MECOM: variants seen among roughly 807,000 people sequenced by gnomAD.
The protein encoded by MECOM is histone-lysine N-methyltransferase MECOM.
A neutral mutation model predicts 116.3 loss-of-function variants in MECOM; 13 were observed. The observed-to-expected ratio is 0.11, with a 90% CI of 0.07 to 0.18. The LOEUF (loss-of-function observed/expected upper bound fraction) is 0.18, where lower values mean the gene tolerates loss of function less well. Among genes scored for constraint, MECOM ranks in the 10% least tolerant of loss-of-function variants. The pLI is 1.00. For synonymous variants in MECOM, 528 were observed against 535.2 expected (o/e 0.99, Z 0.19); for missense variants, 1,299 against 1,509.0 (o/e 0.86, Z 2.31).
chr3:169,312,824 C>T (rs1292506509), intron 2 of MECOM, among the ~76,000 whole-genome samples: 1 of 152,096 alleles, frequency 6.6e-6, no homozygotes, highest in Non-Finnish European at 1.5e-5. Context: ...GGGATGTCAG[C>T]TGGTAGTTGG....
intron 2 of MECOM, among the ~76,000 whole-genome samples, chr3:169,294,235 C>G (rs1387863059): frequency 6.6e-6 from 1 of 152,014 alleles, no homozygotes; most frequent in Non-Finnish European, 1.5e-5. Flanking sequence ...TATCACTATA[C>G]TTGCCTTATC....
chr3:169,394,396 G>T (rs568703781), intron 1 of MECOM, among the ~76,000 whole-genome samples: 30 of 152,246 alleles, frequency 2.0e-4, no homozygotes, highest in African/African-American at 7.2e-4. Context: ...CACAGAAAAT[G>T]ACCTCAATGA....
intron 8 of MECOM, among the ~76,000 whole-genome samples, chr3:169,114,713 A>G (rs1283440070): frequency 6.6e-6 from 1 of 152,182 alleles, no homozygotes; most frequent in Non-Finnish European, 1.5e-5. Context: ...CACTTTGGTC[A>G]GGTGAATATT....
chr3:169,198,999 C>A (rs1748806030), intron 2 of MECOM, among the ~76,000 whole-genome samples: 1 of 151,982 alleles, frequency 6.6e-6, no homozygotes, highest in Non-Finnish European at 1.5e-5. Context: ...TAACAGTCCA[C>A]ATGGAGTTAT....
intron 2 of MECOM, among the ~76,000 whole-genome samples, chr3:169,274,732 T>G (rs1759380022): frequency 6.6e-6 from 1 of 152,184 alleles, no homozygotes; most frequent in South Asian, 2.1e-4. Context: ...AAAATACAGT[T>G]AAAAATTAAG....
Position 169,563,258 on chromosome 3 carries a change from G to A in MECOM, c.37+100078C>T, listed in dbSNP as rs776374860. 3.9e-5 allele frequency among the ~76,000 whole-genome samples: 6 copies of A among 152,256 alleles called. No individual in the cohort carries two copies. The East Asian group carries it at 9.7e-4, about 25-fold the overall frequency. ...CACCAGCAGACTGCTCTGCCCTGGA[G>A]AACAGGCATGGGGGTGAGCAGGTTC... is the stretch of plus-strand genomic sequence containing the variant. On this transcript the variant is annotated intron_variant, in intron 1 of 16. Transcript: ENST00000651503.
chr3:169,235,817 C>T (rs1398375860), intron 2 of MECOM, among the ~76,000 whole-genome samples: 1 of 148,134 alleles, frequency 6.8e-6, no homozygotes, highest in African/African-American at 2.5e-5. Flanking sequence ...CCCCAAATGA[C>T]AAATAATTAC....
At chr3:169,634,902 T>G (rs757015761) in intron 1 of MECOM, among the ~76,000 whole-genome samples, 2 of 152,018 alleles carry the variant, frequency 1.3e-5, no homozygotes, top group Non-Finnish European at 2.9e-5. Flanking sequence ...CTTAATCACT[T>G]TTTTAAATCA....
intron 1 of MECOM, among the ~76,000 whole-genome samples, chr3:169,636,474 A>G (rs1030505489): frequency 1.3e-5 from 2 of 152,210 alleles, no homozygotes; most frequent in Non-Finnish European, 2.9e-5. Flanking sequence ...TTCACAATTC[A>G]GTGACAAGAA....
At chr3:169,260,193 G>C (rs1757375249) in intron 2 of MECOM, among the ~76,000 whole-genome samples, 2 of 152,048 alleles carry the variant, frequency 1.3e-5, no homozygotes, top group African/African-American at 4.8e-5. Flanking sequence ...TCCACTAAAA[G>C]CTTTAGTTAT....
intron 1 of MECOM, among the ~76,000 whole-genome samples, chr3:169,479,297 G>A (rs1750937315): frequency 6.6e-6 from 1 of 150,786 alleles, no homozygotes; most frequent in African/African-American, 2.4e-5. Flanking sequence ...GTGTGTGCAA[G>A]AGACAGAGAT....
rs74550783 is a variant in MECOM at position 169,487,417 on chromosome 3, A to G, written c.38-105893T>C. Among the ~76,000 whole-genome samples, 2,189 of 152,234 alleles carry G rather than the reference A, an allele frequency of 0.014. 163 individuals carry two copies. The East Asian group carries it at 0.24, about 17-fold the overall frequency. ...GGGACAATCTGAATTAATGTGATCT[A>G]CAGTGTTTCCATATTTCAGAAAGAG... On this transcript the variant is annotated intron_variant, in intron 1 of 16. Transcript: ENST00000651503.
At chr3:169,146,667 A>G (rs1427585148) in intron 2 of MECOM, 3 of 1,335,396 alleles carry the variant, frequency 2.2e-6, no homozygotes, top group East Asian at 8.8e-5. Flanking sequence ...GTCCGAAGTG[A>G]CAAACTTTCA....
chr3:169,575,544 T>C (rs1473024985), intron 1 of MECOM, among the ~76,000 whole-genome samples: 1 of 152,174 alleles, frequency 6.6e-6, no homozygotes, highest in Admixed American at 6.5e-5. Context: ...AAATGACACA[T>C]GTAAACAGAT....
chr3:169,604,221 ATCTCTC>A (rs148922198), intron 1 of MECOM, among the ~76,000 whole-genome samples: 3 of 146,630 alleles, frequency 2.0e-5, no homozygotes, highest in Admixed American at 6.8e-5. Flanking sequence ...AGAGAGAGAA[ATCTCTC>A]TCTCTCTCTC....
chr3:169,383,029 T>C (rs369573069), intron 1 of MECOM, among the ~76,000 whole-genome samples: 15 of 152,068 alleles, frequency 9.9e-5, no homozygotes, highest in Non-Finnish European at 1.5e-4. Context: ...AACCCCGCAG[T>C]TCTATCAATT....
In MECOM at chr3:169,127,826, C is replaced by CAA. The variant is rs1733405281; in HGVS notation, c.830+16_830+17dup. 2.5e-6 allele frequency: 4 copies of CAA among 1,604,068 alleles called. No individual in the cohort carries two copies. The South Asian group carries it at 4.4e-5, about 18-fold the overall frequency. On this transcript the variant is annotated intron_variant, in intron 5 of 16. Transcript: ENST00000651503. ...GAAAAAATACACAAGTTGTATGGTA[C>CAA]AACATGCCATTTCTAACCTTTGCAA...
chr3:169,289,298 C>A (rs938484490), intron 2 of MECOM, among the ~76,000 whole-genome samples: 1 of 152,144 alleles, frequency 6.6e-6, no homozygotes, highest in Non-Finnish European at 1.5e-5. Flanking sequence ...AGAACCTCCT[C>A]GTGGATTGTT....
chr3:169,459,056 T>C lies in MECOM; in HGVS notation c.38-77532A>G, dbSNP rs553839193. Among the ~76,000 whole-genome samples the C allele has an allele frequency of 5.9e-5, 9 of 152,324 alleles. No homozygotes were observed. The South Asian group carries it at 1.9e-3, about 32-fold the overall frequency. On this transcript the variant is annotated intron_variant, in intron 1 of 16. Coordinates refer to ENST00000651503, the MANE Select transcript of MECOM (RefSeq NM_004991.4). The stretch of plus-strand genomic sequence containing the variant: ...CATATCCAAAATGGCTATTTCTACC[T>C]GTATTGGGAAGGTTGTTTTAGAGCG...
Sources: gnomAD v4.1 joint callset for allele counts (sites outside exome capture counted in the v4.1 genomes callset) on GRCh38, gnomAD v4.1.1 for gene constraint, MANE v1.5 for transcripts, NCBI Gene and HGNC (gene_info 2026-07-23, HGNC 2026-07-21) for gene names.